The following GRIK2 variants were observed in gnomAD, a reference collection of about 807,000 sequenced individuals.
GRIK2 encodes glutamate ionotropic receptor kainate type subunit 2, also known as glutamate receptor ionotropic, kainate 2.
GRIK2 carries 32 observed loss-of-function variants against 100.3 expected under a neutral mutation model. The ratio of observed to expected loss-of-function variants is 0.32; its 90% CI spans 0.24 to 0.43. The LOEUF (loss-of-function observed/expected upper bound fraction) is 0.43. Among genes scored for constraint, GRIK2 ranks in the 20% least tolerant of loss-of-function variants. GRIK2 has a pLI of 1.00. For synonymous variants in GRIK2, 417 were observed against 389.4 expected (o/e 1.07, Z -0.83); for missense variants, 843 against 1,114.9 (o/e 0.76, Z 3.47).
chr6:101,916,210 A>G (rs1789093099), intron 12 of GRIK2, among the ~76,000 whole-genome samples: 1 of 151,534 alleles, frequency 6.6e-6, no homozygotes. Flanking sequence ...TTGATATGGC[A>G]GTAAATAAAA....
intron 16 of GRIK2, chr6:102,063,898 GT>G: frequency 1.4e-6 from 1 of 717,134 alleles, no homozygotes; most frequent in Admixed American, 2.2e-5. Flanking sequence ...TTTATTAAGA[GT>G]TTTACTAATT....
Position 101,512,763 on chromosome 6 carries a change from T to C in GRIK2, c.116-109186T>C, listed in dbSNP as rs117474064. On this transcript the variant is annotated intron_variant, in intron 2 of 16. Transcript: ENST00000369134. ...TAAATGGCGTTTATGATCACCTACA[T>C]CTCAATACTAAGTATTATAAAGAAT... Among the ~76,000 whole-genome samples the C allele has an allele frequency of 3.9e-3, 591 of 152,166 alleles. 23 individuals carry two copies. In the East Asian group the frequency reaches 0.099, roughly 26 times the overall value.
intron 14 of GRIK2, among the ~76,000 whole-genome samples, chr6:102,024,008 G>A (rs1327229965): frequency 6.6e-6 from 1 of 151,040 alleles, no homozygotes; most frequent in African/African-American, 2.4e-5. Context: ...AAACAAAGTG[G>A]GGAGAAAAAA....
chr6:101,739,912 AT>A (rs111459963), intron 7 of GRIK2, among the ~76,000 whole-genome samples: 6 of 150,200 alleles, frequency 4.0e-5, no homozygotes, highest in East Asian at 1.9e-4. Flanking sequence ...TGGAGCAGGG[AT>A]TTTTTTTTTC....
At chr6:101,897,497 G>T (rs1011071045) in intron 12 of GRIK2, among the ~76,000 whole-genome samples, 1 of 151,724 alleles carries the variant, frequency 6.6e-6, no homozygotes, top group African/African-American at 2.4e-5. Flanking sequence ...CTGGAAAAAT[G>T]GTGCCCTTGG....
intron 2 of GRIK2, among the ~76,000 whole-genome samples, chr6:101,517,865 A>C (rs1774665657): frequency 6.6e-6 from 1 of 152,166 alleles, no homozygotes; most frequent in Non-Finnish European, 1.5e-5. Context: ...GGTATTTTAA[A>C]AGATGTTTAG....
rs188417983 is a variant in GRIK2, at chr6:101,446,470, C to A, written c.115+47078C>A. Among the ~76,000 whole-genome samples, 8 of 151,616 alleles carry A rather than the reference C, an allele frequency of 5.3e-5. No individual in the cohort carries two copies. The East Asian group carries it at 1.2e-3, about 22-fold the overall frequency. ...AATAGATTTAAAGTGTCATTGATTC[C>A]TCTCCTCTTCAGTGATAGTTTTTTT... On this transcript the variant is annotated intron_variant, in intron 2 of 16. Coordinates refer to ENST00000369134, the MANE Select transcript of GRIK2 (RefSeq NM_021956.5).
chr6:102,000,181 T>A (rs2114255878), intron 14 of GRIK2, among the ~76,000 whole-genome samples: 1 of 152,182 alleles, frequency 6.6e-6, no homozygotes, highest in South Asian at 2.1e-4. Flanking sequence ...ATCCTCAATT[T>A]TCTGGAATAG....
chr6:101,754,642 A>C (rs530381859), intron 7 of GRIK2, among the ~76,000 whole-genome samples: 6 of 152,338 alleles, frequency 3.9e-5, no homozygotes, highest in African/African-American at 9.6e-5. Flanking sequence ...AAATGTGATG[A>C]GTGCTATGTG....
chr6:102,038,641 TTAATTA>T (rs1211294380), intron 15 of GRIK2, among the ~76,000 whole-genome samples: 24 of 146,198 alleles, frequency 1.6e-4, no homozygotes, highest in African/African-American at 5.7e-4. Context: ...AAAATTGTAC[TTAATTA>T]TAAACAACAA....
intron 7 of GRIK2, among the ~76,000 whole-genome samples, chr6:101,766,714 T>C (rs941759131): frequency 4.6e-5 from 7 of 152,178 alleles, no homozygotes; most frequent in Non-Finnish European, 1.5e-5. Flanking sequence ...ATTAGTCCTG[T>C]TCCAAATGAG....
chr6:101,890,704 T>A (rs1786995470), intron 12 of GRIK2, among the ~76,000 whole-genome samples: 1 of 152,050 alleles, frequency 6.6e-6, no homozygotes, highest in Admixed American at 6.6e-5. Flanking sequence ...AGGTGTAAAT[T>A]TATAATCATG....
At chr6:101,602,336 T>C (rs1375518969) in intron 2 of GRIK2, among the ~76,000 whole-genome samples, 1 of 151,478 alleles carries the variant, frequency 6.6e-6, no homozygotes. Context: ...TGAGACTTGC[T>C]TTGTGACCAA....
At chr6:101,897,301 G>A (rs1787533272) in intron 12 of GRIK2, among the ~76,000 whole-genome samples, 1 of 151,466 alleles carries the variant, frequency 6.6e-6, no homozygotes, top group African/African-American at 2.4e-5. Context: ...GAACCAACAG[G>A]ATAAGGAAAA....
chr6:101,871,383 TC>T (rs1346703872), intron 11 of GRIK2, among the ~76,000 whole-genome samples: 2 of 151,856 alleles, frequency 1.3e-5, no homozygotes, highest in African/African-American at 2.4e-5. Flanking sequence ...GTCTTCTTTT[TC>T]TAACTTTTAT....
chr6:101,829,472 T>C (rs1782539341), intron 10 of GRIK2, among the ~76,000 whole-genome samples: 1 of 151,810 alleles, frequency 6.6e-6, no homozygotes, highest in African/African-American at 2.4e-5. Flanking sequence ...TTCACTGAAT[T>C]TATGATTTTA....
chr6:101,544,174 T>C (rs553569077), intron 2 of GRIK2, among the ~76,000 whole-genome samples: 1 of 152,264 alleles, frequency 6.6e-6, no homozygotes, highest in South Asian at 2.1e-4. Context: ...CTCCATCCCC[T>C]TTTCCCTTTC....
rs114812436 is a variant in GRIK2, at chr6:102,023,232, G to A, written c.2086-12109G>A. On this transcript the variant is annotated intron_variant, in intron 14 of 16. Transcript: ENST00000369134. ...TTCTTTGATTAATTCTGTTGTGAAGGGAAGAGAGAAAGTATGGCAACTACT... is the reference window on the plus strand; with the variant it reads ...TTCTTTGATTAATTCTGTTGTGAAGAGAAGAGAGAAAGTATGGCAACTACT... Among the ~76,000 whole-genome samples the A allele has an allele frequency of 5.1e-3, 775 of 151,518 alleles. 11 individuals are homozygous for A. Among genetic ancestry groups the A allele is most frequent in the African/African-American group, 0.018 (744 of 41,410 alleles).
chr6:101,924,351 A>C (rs952947925), intron 12 of GRIK2, among the ~76,000 whole-genome samples: 1 of 152,234 alleles, frequency 6.6e-6, no homozygotes, highest in Non-Finnish European at 1.5e-5. Flanking sequence ...TTACTGATAT[A>C]CAGATTTTCC....
Sources: gnomAD v4.1 joint callset for allele counts (sites outside exome capture counted in the v4.1 genomes callset) on GRCh38, gnomAD v4.1.1 for gene constraint, MANE v1.5 for transcripts, NCBI Gene and HGNC (gene_info 2026-07-23, HGNC 2026-07-21) for gene names.